PTPRD: variants seen among roughly 807,000 people sequenced by gnomAD.
PTPRD encodes receptor-type tyrosine-protein phosphatase delta.
PTPRD carries 34 observed loss-of-function variants against 214.5 expected under a neutral mutation model. The ratio of observed to expected loss-of-function variants is 0.16; its 90% CI spans 0.12 to 0.21. The LOEUF is 0.21. Ranked by LOEUF, PTPRD falls within the 10% of genes least tolerant of loss-of-function variation. The probability of loss-of-function intolerance (pLI) is 1.00; values close to 1 mark genes in which losing one functional copy is unlikely to be tolerated. For missense variants in PTPRD, 2,545 were observed against 2,398.7 expected, an observed-to-expected ratio of 1.06 and a Z score of -1.27; for synonymous variants, 1,128 against 845.7, an observed-to-expected ratio of 1.33 and a Z score of -5.79.
intron 3 of PTPRD, among the ~76,000 whole-genome samples, chr9:10,278,147 C>G (rs2094837514): frequency 1.4e-5 from 2 of 140,750 alleles, no homozygotes; most frequent in African/African-American, 5.2e-5. Flanking sequence ...CAGAGCGAGA[C>G]TCTGTCTCAA....
chr9:9,451,482 G>C (rs190199680), intron 8 of PTPRD, among the ~76,000 whole-genome samples: 18 of 151,712 alleles, frequency 1.2e-4, no homozygotes, highest in African/African-American at 4.3e-4. Flanking sequence ...AATCAATGGC[G>C]AATTTTCACT....
intron 10 of PTPRD, among the ~76,000 whole-genome samples, chr9:9,173,832 T>C (rs2099922979): frequency 1.3e-5 from 2 of 152,246 alleles, no homozygotes; most frequent in South Asian, 4.1e-4. Context: ...GGTTTCTCTT[T>C]ACCATTGGCC....
intron 44 of PTPRD, among the ~76,000 whole-genome samples, chr9:8,324,539 T>G (rs556061621): frequency 1.3e-5 from 2 of 152,190 alleles, no homozygotes; most frequent in Admixed American, 1.3e-4. Flanking sequence ...TTTGCTATTG[T>G]GAATAGTGCC....
intron 8 of PTPRD, among the ~76,000 whole-genome samples, chr9:9,416,465 A>G (rs966847333): frequency 1.1e-4 from 16 of 152,194 alleles, no homozygotes; most frequent in African/African-American, 3.9e-4. Context: ...ATATAAATTG[A>G]TAACACTGCC....
At chr9:8,971,567 A>C (rs949022796) in intron 11 of PTPRD, among the ~76,000 whole-genome samples, 2 of 151,726 alleles carry the variant, frequency 1.3e-5, no homozygotes, top group Admixed American at 6.6e-5. Flanking sequence ...CTACATAGTT[A>C]AAGTTCAATG....
intron 23 of PTPRD, 31 bp downstream of exon 23, chr9:8,504,230 A>T: frequency 6.2e-7 from 1 of 1,612,036 alleles, no homozygotes; most frequent in Non-Finnish European, 8.5e-7. Flanking sequence ...GGAAATAAAA[A>T]GGCAGAAAGT....
chr9:8,842,047 G>T (rs2097569369), intron 11 of PTPRD, among the ~76,000 whole-genome samples: 1 of 150,890 alleles, frequency 6.6e-6, no homozygotes, highest in East Asian at 1.9e-4. Flanking sequence ...CATACTTTCT[G>T]AAGTATTTTT....
intron 9 of PTPRD, among the ~76,000 whole-genome samples, chr9:9,184,587 T>C (rs2099930234): frequency 6.6e-6 from 1 of 152,050 alleles, no homozygotes; most frequent in Admixed American, 6.6e-5. Context: ...CACTGCGTTT[T>C]ATGTAAATGA....
intron 2 of PTPRD, among the ~76,000 whole-genome samples, chr9:10,451,600 A>C (rs898845366): frequency 1.3e-5 from 2 of 151,528 alleles, no homozygotes; most frequent in African/African-American, 4.9e-5. Context: ...TCAAGGATTA[A>C]ATGAATTTCA....
chr9:9,651,826 GTTTTTTTTTTTTT>G (rs869105633), intron 7 of PTPRD, among the ~76,000 whole-genome samples: 2 of 55,064 alleles, frequency 3.6e-5, no homozygotes, highest in African/African-American at 1.5e-4. Context: ...TTCAAGGTTT[GTTTTTTTTTTTTT>G]TTTTTTTTTT....
intron 2 of PTPRD, among the ~76,000 whole-genome samples, chr9:10,394,148 C>CTA (rs111662849): frequency 2.2e-5 from 3 of 135,426 alleles, no homozygotes; most frequent in Non-Finnish European, 4.8e-5. Flanking sequence ...ATAAAGATAT[C>CTA]TATATATATA....
At chr9:10,423,314 G>A (rs1490284040) in intron 2 of PTPRD, among the ~76,000 whole-genome samples, 1 of 151,952 alleles carries the variant, frequency 6.6e-6, no homozygotes, top group African/African-American at 2.4e-5. Flanking sequence ...ATGGGGTGGA[G>A]GGCAGGGAGA....
chr9:8,342,444 C>A (rs1481447993), intron 39 of PTPRD, among the ~76,000 whole-genome samples: 1 of 152,032 alleles, frequency 6.6e-6, no homozygotes, highest in Non-Finnish European at 1.5e-5. Flanking sequence ...TCAAGCTAAA[C>A]CTCGCATGCT....
chr9:10,015,195 G>A (rs1005555506), intron 4 of PTPRD, among the ~76,000 whole-genome samples: 11 of 152,094 alleles, frequency 7.2e-5, no homozygotes, highest in African/African-American at 2.7e-4. Context: ...CAATAACTCA[G>A]AATTGACCTT....
chr9:10,380,711 T>C (rs7854044), intron 2 of PTPRD, among the ~76,000 whole-genome samples: 1 of 151,988 alleles, frequency 6.6e-6, no homozygotes. Context: ...CGTTTGTAAA[T>C]TGAAATATGA....
intron 3 of PTPRD, among the ~76,000 whole-genome samples, chr9:10,292,610 A>G (rs890465523): frequency 1.3e-5 from 2 of 152,016 alleles, no homozygotes; most frequent in African/African-American, 4.8e-5. Context: ...ATTTTTGGGC[A>G]ATCTTAGGGT....
At chr9:8,456,436 C>G (rs1209396433) in intron 33 of PTPRD, among the ~76,000 whole-genome samples, 2 of 152,026 alleles carry the variant, frequency 1.3e-5, no homozygotes, top group Non-Finnish European at 2.9e-5. Context: ...GTTATCCAAG[C>G]CAAAAGGAGT....
intron 9 of PTPRD, among the ~76,000 whole-genome samples, chr9:9,396,964 C>T (rs2068085821): frequency 6.6e-6 from 1 of 151,988 alleles, no homozygotes; most frequent in African/African-American, 2.4e-5. Flanking sequence ...GTTATATCCA[C>T]TCATCTTAGT....
Position 8,790,354 on chromosome 9 carries a change from A to G in PTPRD, c.-103-56408T>C, listed in dbSNP as rs141617311. Among the ~76,000 whole-genome samples the G allele has an allele frequency of 1.2e-3, 185 of 152,174 alleles. 1 individual carries two copies. In the East Asian group the frequency reaches 0.017, roughly 14 times the overall value. On this transcript the variant is annotated intron_variant, in intron 11 of 45. Transcript: ENST00000381196. ...AATAAATAAATTTATTATTTATTAT[A>G]CATTGTCTTTCTTGTCCAATAAAGT... is the stretch of plus-strand genomic sequence containing the variant.
Sources: allele counts gnomAD v4.1 joint callset (sites outside exome capture counted in the v4.1 genomes callset), GRCh38; gene constraint gnomAD v4.1.1; transcripts MANE v1.5; gene names NCBI Gene and HGNC (gene_info 2026-07-23, HGNC 2026-07-21).